RBM46: variants seen among roughly 807,000 people sequenced by gnomAD.
RBM46 encodes RNA binding motif protein 46.
A neutral mutation model predicts 43.3 loss-of-function variants in RBM46; 12 were observed. The ratio of observed to expected loss-of-function variants is 0.28; its 90% CI spans 0.18 to 0.45. The LOEUF (loss-of-function observed/expected upper bound fraction) is 0.45. Ranked by LOEUF, RBM46 falls within the 20% of genes least tolerant of loss-of-function variation. The probability of loss-of-function intolerance (pLI) is 1.00; values close to 1 mark genes in which losing one functional copy is unlikely to be tolerated. For missense variants in RBM46, 412 were observed against 639.1 expected (o/e 0.64, Z 3.83); for synonymous variants, 205 against 207.6 (o/e 0.99, Z 0.11).
intron 4 of RBM46, among the ~76,000 whole-genome samples, chr4:154,818,089 AC>A (rs768490722): frequency 6.6e-6 from 1 of 151,906 alleles, no homozygotes; most frequent in Non-Finnish European, 1.5e-5. Flanking sequence ...TACATTTAAA[AC>A]CCCACAATGC....
chr4:154,783,968 A>C (rs1162387885), intron 1 of RBM46, among the ~76,000 whole-genome samples: 2 of 152,200 alleles, frequency 1.3e-5, no homozygotes, highest in East Asian at 3.8e-4. Flanking sequence ...TGTCACTAAA[A>C]TGAATTGCTG....
intron 3 of RBM46, 120 bp downstream of exon 3, chr4:154,798,398 T>G (rs1445944951): frequency 1.5e-6 from 1 of 660,320 alleles, no homozygotes. Flanking sequence ...AAGAATTGTT[T>G]GAGTAATGAA....
chr4:154,783,637 CTT>C (rs752918400), intron 1 of RBM46, among the ~76,000 whole-genome samples: 12 of 152,168 alleles, frequency 7.9e-5, no homozygotes, highest in Non-Finnish European at 1.0e-4. Flanking sequence ...ATGTAGATAT[CTT>C]TATCCTGAAT....
intron 1 of RBM46, among the ~76,000 whole-genome samples, chr4:154,789,433 A>G (rs1017844685): frequency 2.0e-5 from 3 of 152,128 alleles, no homozygotes; most frequent in Non-Finnish European, 4.4e-5. Flanking sequence ...TGAGATAATC[A>G]TGTGGTTTTT....
chr4:154,787,819 A>G (rs1318216164), intron 1 of RBM46, among the ~76,000 whole-genome samples: 3 of 152,144 alleles, frequency 2.0e-5, no homozygotes, highest in African/African-American at 4.8e-5. Flanking sequence ...AAGTGTTCCT[A>G]TTTCTCCACA....
chr4:154,826,879 A>G (rs768302015), intron 4 of RBM46: 56 of 1,483,158 alleles, frequency 3.8e-5, no homozygotes, highest in Non-Finnish European at 4.6e-5. Context: ...TGTAGGCATC[A>G]TTTATAGTAC....
At chr4:154,820,725 A>G (rs1490204844) in intron 4 of RBM46, among the ~76,000 whole-genome samples, 6 of 151,916 alleles carry the variant, frequency 3.9e-5, no homozygotes, top group Non-Finnish European at 8.9e-5. Context: ...TTATCCAAGT[A>G]TTTCTCAAAA....
At chr4:154,812,892 T>TATATTATATACTTATATTATATAC (rs1235313001) in intron 4 of RBM46, among the ~76,000 whole-genome samples, 9 of 152,198 alleles carry the variant, frequency 5.9e-5, no homozygotes, top group Admixed American at 5.9e-4. Context: ...CTTATATACT[T>TATATTATATACTTATATTATATAC]TTATATTAAG....
intron 4 of RBM46, among the ~76,000 whole-genome samples, chr4:154,808,280 G>C (rs1394798140): frequency 6.6e-6 from 1 of 151,930 alleles, no homozygotes; most frequent in East Asian, 1.9e-4. Context: ...TTATAGAGTA[G>C]ATAAATCTTT....
Position 154,828,303 on chromosome 4 carries a change from C to T in RBM46, c.*236C>T. The T allele has an allele frequency of 2.3e-6, 1 of 426,692 alleles. No homozygotes were observed. The highest frequency in any genetic ancestry group is 4.2e-6 in the Non-Finnish European group (1 of 240,572). 26.4% of individuals were successfully genotyped at this position (426,692 alleles called of 1,614,324 possible). A position where few individuals can be genotyped will look rare whatever the true frequency, so the allele number is the denominator to read the frequency against. On this transcript the variant is annotated 3_prime_UTR_variant, in exon 5 of 5. Transcript: ENST00000281722. ...CTCTTGATAAAGGTACAGCAAACTA[C>T]TATTCTTTTTAAACTTCTAGGATTT...
chr4:154,792,295 G>T (rs1317582844), intron 1 of RBM46, among the ~76,000 whole-genome samples: 2 of 152,158 alleles, frequency 1.3e-5, no homozygotes, highest in Non-Finnish European at 2.9e-5. Context: ...GTCATTATAT[G>T]TGGTATTTAA....
chr4:154,804,814 G>GTTTTTTTTTTTTTTTT (rs575968520), intron 4 of RBM46, among the ~76,000 whole-genome samples: 4 of 113,250 alleles, frequency 3.5e-5, no homozygotes, highest in Non-Finnish European at 7.5e-5. Flanking sequence ...GATTAAGGTT[G>GTTTTTTTTTTTTTTTT]TTTTTTTTTT....
At chr4:154,792,040 A>G (rs1734119964) in intron 1 of RBM46, among the ~76,000 whole-genome samples, 1 of 152,224 alleles carries the variant, frequency 6.6e-6, no homozygotes, top group African/African-American at 2.4e-5. Flanking sequence ...CATGACCTCA[A>G]GTAAATCACA....
At chr4:154,821,348 C>T (rs1344913633) in intron 4 of RBM46, among the ~76,000 whole-genome samples, 1 of 151,622 alleles carries the variant, frequency 6.6e-6, no homozygotes, top group Non-Finnish European at 1.5e-5. Context: ...GCTGTATTTT[C>T]TAAGGCTTTT....
At chr4:154,812,650 T>A (rs1424299148) in intron 4 of RBM46, among the ~76,000 whole-genome samples, 4 of 152,092 alleles carry the variant, frequency 2.6e-5, no homozygotes, top group Non-Finnish European at 4.4e-5. Flanking sequence ...TCCGAATAGG[T>A]TTATGCTTTT....
At chr4:154,793,339 C>G (rs1028797746) in intron 1 of RBM46, among the ~76,000 whole-genome samples, 1 of 152,034 alleles carries the variant, frequency 6.6e-6, no homozygotes, top group Non-Finnish European at 1.5e-5. Flanking sequence ...ATGCTTATAT[C>G]TTTGTATACT....
chr4:154,827,769 T>G, intron 4 of RBM46, 99 bp from the exon 5 acceptor site: 1 of 1,568,782 alleles, frequency 6.4e-7, no homozygotes, highest in East Asian at 2.2e-5. Flanking sequence ...TGTTAGAACA[T>G]TATGTTAAAA....
At chr4:154,795,553 A>G (rs968901621) in intron 1 of RBM46, among the ~76,000 whole-genome samples, 1 of 152,092 alleles carries the variant, frequency 6.6e-6, no homozygotes, top group African/African-American at 2.4e-5. Context: ...GCCAGAGTGC[A>G]GTGGTTTGCA....
At chr4:154,808,815 G>A (rs1227278901) in intron 4 of RBM46, among the ~76,000 whole-genome samples, 1 of 152,040 alleles carries the variant, frequency 6.6e-6, no homozygotes, top group Non-Finnish European at 1.5e-5. Context: ...TTCCTTGAGA[G>A]AATAAGAATC....
Sources: allele counts gnomAD v4.1 joint callset (sites outside exome capture counted in the v4.1 genomes callset), GRCh38; gene constraint gnomAD v4.1.1; transcripts MANE v1.5; gene names NCBI Gene and HGNC (gene_info 2026-07-23, HGNC 2026-07-21).